GPD2: variants seen among roughly 807,000 people sequenced by gnomAD.
The protein encoded by GPD2 is glycerol-3-phosphate dehydrogenase, mitochondrial.
In GPD2, 54 loss-of-function variants were observed where a neutral mutation model predicts 82.4. The ratio of observed to expected loss-of-function variants is 0.66; its 90% CI spans 0.53 to 0.82. The LOEUF (loss-of-function observed/expected upper bound fraction) is 0.82, where lower values mean the gene tolerates loss of function less well. Ranked by LOEUF, GPD2 falls within the 40% of genes least tolerant of loss-of-function variation. The probability of loss-of-function intolerance (pLI) is 0.00; values close to 1 mark genes in which losing one functional copy is unlikely to be tolerated. For synonymous variants in GPD2, 288 were observed against 306.1 expected, an observed-to-expected ratio of 0.94 and a Z score of 0.62; for missense variants, 748 against 896.2, an observed-to-expected ratio of 0.83 and a Z score of 2.11.
At chr2:156,519,922 G>C (rs972495595) in intron 6 of GPD2, among the ~76,000 whole-genome samples, 1 of 152,228 alleles carries the variant, frequency 6.6e-6, no homozygotes, top group Non-Finnish European at 1.5e-5. Context: ...TGGAGAGTCA[G>C]GGTGACAGCC....
the GPD2 span, among the ~76,000 whole-genome samples, chr2:156,410,201 A>G: frequency 6.6e-6 from 1 of 152,226 alleles, no homozygotes; most frequent in Admixed American, 6.5e-5. Flanking sequence ...CGTCTCACAC[A>G]TGCGGGTGAA....
intron 6 of GPD2, among the ~76,000 whole-genome samples, chr2:156,533,092 A>C (rs1410173052): frequency 6.6e-6 from 1 of 152,196 alleles, no homozygotes; most frequent in African/African-American, 2.4e-5. Context: ...AGGCTGAAGG[A>C]AGCAGCAGTC....
intron 2 of GPD2, among the ~76,000 whole-genome samples, chr2:156,485,354 G>A (rs1683900696): frequency 6.6e-6 from 1 of 152,198 alleles, no homozygotes; most frequent in Non-Finnish European, 1.5e-5. Flanking sequence ...AAATGTGAAG[G>A]TAGAAATGTC....
At chr2:156,567,501 G>A (rs901242098) in intron 9 of GPD2, among the ~76,000 whole-genome samples, 1 of 152,096 alleles carries the variant, frequency 6.6e-6, no homozygotes, top group Non-Finnish European at 1.5e-5. Flanking sequence ...CTGGGAGTAT[G>A]ATGAAGAAGG....
chr2:156,404,346 C>T, the GPD2 span, among the ~76,000 whole-genome samples: 6 of 152,208 alleles, frequency 3.9e-5, no homozygotes, highest in East Asian at 1.2e-3. Flanking sequence ...TATACTGTGC[C>T]ACTGCACTCC....
At chr2:156,508,117 T>G (rs957966214) in intron 3 of GPD2, among the ~76,000 whole-genome samples, 3 of 152,074 alleles carry the variant, frequency 2.0e-5, no homozygotes, top group African/African-American at 7.2e-5. Flanking sequence ...TCAGCCAGTT[T>G]CAGTAAGTCA....
At chr2:156,552,125 A>G (rs564487337) in intron 8 of GPD2, among the ~76,000 whole-genome samples, 42 of 152,216 alleles carry the variant, frequency 2.8e-4, no homozygotes, top group Non-Finnish European at 4.9e-4. Context: ...ACTTCTGAGA[A>G]AATCATTAAA....
the GPD2 span, among the ~76,000 whole-genome samples, chr2:156,402,091 C>G: frequency 1.3e-5 from 2 of 152,174 alleles, no homozygotes; most frequent in Non-Finnish European, 2.9e-5. Flanking sequence ...ACTTCAACCC[C>G]GTGAGTTAGG....
intron 1 of GPD2, among the ~76,000 whole-genome samples, chr2:156,468,939 T>C (rs1683234564): frequency 6.6e-6 from 1 of 152,204 alleles, no homozygotes; most frequent in Non-Finnish European, 1.5e-5. Context: ...AACTATGTTT[T>C]TATACTCATT....
chr2:156,525,448 C>T (rs1462440264), intron 6 of GPD2, among the ~76,000 whole-genome samples: 1 of 152,126 alleles, frequency 6.6e-6, no homozygotes, highest in Admixed American at 6.6e-5. Context: ...AACTAGGGAC[C>T]ATAATCTATT....
At chr2:156,547,785 T>C (rs1465700644) in intron 6 of GPD2, among the ~76,000 whole-genome samples, 1 of 152,226 alleles carries the variant, frequency 6.6e-6, no homozygotes, top group Non-Finnish European at 1.5e-5. Flanking sequence ...AAAGAAAATT[T>C]TATCTTTTTA....
chr2:156,401,523 C>G, the GPD2 span, among the ~76,000 whole-genome samples: 3 of 152,256 alleles, frequency 2.0e-5, no homozygotes, highest in African/African-American at 7.2e-5. Flanking sequence ...AACAACTCTC[C>G]CTCCAACCCC....
chr2:156,524,730 T>C (rs1685541130), intron 6 of GPD2, among the ~76,000 whole-genome samples: 1 of 152,168 alleles, frequency 6.6e-6, no homozygotes, highest in South Asian at 2.1e-4. Flanking sequence ...GAGAGGGGAT[T>C]ACAAAAGTAA....
chr2:156,544,894 T>C (rs552868352), intron 6 of GPD2, among the ~76,000 whole-genome samples: 45 of 152,334 alleles, frequency 3.0e-4, no homozygotes, highest in African/African-American at 1.1e-3. Flanking sequence ...CTCCCTAAAC[T>C]GCCTCATATG....
intron 6 of GPD2, among the ~76,000 whole-genome samples, chr2:156,548,932 C>T (rs1686650848): frequency 6.6e-6 from 1 of 152,046 alleles, no homozygotes; most frequent in Admixed American, 6.5e-5. Context: ...CCCCCCTTCT[C>T]CTCCCCCTTA....
intron 2 of GPD2, among the ~76,000 whole-genome samples, chr2:156,482,160 C>G (rs927583021): frequency 6.6e-6 from 1 of 152,192 alleles, no homozygotes; most frequent in South Asian, 2.1e-4. Context: ...AGAGATCTTG[C>G]ATTCACGGAT....
chr2:156,464,599 C>A (rs1213093811), intron 1 of GPD2, among the ~76,000 whole-genome samples: 1 of 152,090 alleles, frequency 6.6e-6, no homozygotes, highest in African/African-American at 2.4e-5. Flanking sequence ...TCAGTCACCA[C>A]TTATACATTA....
chr2:156,481,648 C>CT (rs869063014), intron 2 of GPD2, among the ~76,000 whole-genome samples: 157 of 141,640 alleles, frequency 1.1e-3, no homozygotes, highest in Middle Eastern at 3.6e-3. Context: ...CATTCTTTTT[C>CT]TTTTTTTTTT....
the GPD2 span, among the ~76,000 whole-genome samples, chr2:156,416,991 T>G: frequency 6.6e-6 from 1 of 152,160 alleles, no homozygotes; most frequent in Non-Finnish European, 1.5e-5. Flanking sequence ...TTTAAAAACC[T>G]CACCTTGGCT....
Sources: gnomAD v4.1 joint callset for allele counts (sites outside exome capture counted in the v4.1 genomes callset) on GRCh38, gnomAD v4.1.1 for gene constraint, MANE v1.5 for transcripts, NCBI Gene and HGNC (gene_info 2026-07-23, HGNC 2026-07-21) for gene names.